FAM135B: variants seen among roughly 807,000 people sequenced by gnomAD.
FAM135B encodes family with sequence similarity 135 member B.
FAM135B carries 43 observed loss-of-function variants against 127.7 expected under a neutral mutation model. That is an observed-to-expected ratio of 0.34 (90% CI 0.26 to 0.43). The LOEUF (loss-of-function observed/expected upper bound fraction) is 0.43. Ranked by LOEUF, FAM135B falls within the 20% of genes least tolerant of loss-of-function variation. The pLI is 1.00. For synonymous variants in FAM135B, 670 were observed against 665.1 expected, an observed-to-expected ratio of 1.01 and a Z score of -0.11; for missense variants, 1,558 against 1,725.6, an observed-to-expected ratio of 0.90 and a Z score of 1.72.
chr8:138,287,070 ATGTC>A (rs1824744014), intron 3 of FAM135B, among the ~76,000 whole-genome samples: 1 of 152,222 alleles, frequency 6.6e-6, no homozygotes, highest in African/African-American at 2.4e-5. Context: ...AAAGTGTAAA[ATGTC>A]TGTATGACAA....
chr8:138,494,649 A>G (rs1392809106), intron 1 of FAM135B, among the ~76,000 whole-genome samples: 3 of 152,218 alleles, frequency 2.0e-5, no homozygotes, highest in Non-Finnish European at 4.4e-5. Context: ...CAGAAATTAT[A>G]ATTCCTTCAG....
chr8:138,197,107 GTGTGTGTGTGTATA>G (rs1446378742), intron 8 of FAM135B, among the ~76,000 whole-genome samples: 3,484 of 47,892 alleles, frequency 0.073, 89 homozygotes, highest in East Asian at 0.34. Flanking sequence ...GTGTGTGTGT[GTGTGTGTGTGTATA>G]TATATAGTTT....
chr8:138,209,515 C>T (rs544431563), intron 7 of FAM135B, among the ~76,000 whole-genome samples: 2 of 152,150 alleles, frequency 1.3e-5, no homozygotes, highest in Non-Finnish European at 2.9e-5. Flanking sequence ...ATGTGGGCTG[C>T]CAGAGTCCAG....
At chr8:138,495,321 A>G (rs1815350732) in intron 1 of FAM135B, among the ~76,000 whole-genome samples, 1 of 152,202 alleles carries the variant, frequency 6.6e-6, no homozygotes, top group Non-Finnish European at 1.5e-5. Flanking sequence ...GCATGAGGAA[A>G]TCAGAGTTCA....
At chr8:138,365,833 T>C (rs1245917122) in intron 2 of FAM135B, among the ~76,000 whole-genome samples, 6 of 152,230 alleles carry the variant, frequency 3.9e-5, no homozygotes, top group Non-Finnish European at 8.8e-5. Flanking sequence ...AATGTCAGTC[T>C]GTGTTACAAA....
intron 7 of FAM135B, among the ~76,000 whole-genome samples, chr8:138,202,912 A>G (rs11985359): frequency 0.74 from 112,692 of 152,010 alleles, 42,121 homozygotes; most frequent in East Asian, 0.82. Flanking sequence ...AGAATCTGGA[A>G]TCAAATAGGC....
intron 1 of FAM135B, among the ~76,000 whole-genome samples, chr8:138,445,108 A>C (rs1195309302): frequency 6.6e-6 from 1 of 152,236 alleles, no homozygotes; most frequent in Non-Finnish European, 1.5e-5. Context: ...ACCAGGAAGA[A>C]GTTGAATCTC....
chr8:138,186,457 G>C (rs141179249), intron 9 of FAM135B, among the ~76,000 whole-genome samples: 2 of 152,118 alleles, frequency 1.3e-5, no homozygotes, highest in South Asian at 2.1e-4. Context: ...TGGCAGGAGT[G>C]GGGGAGACCA....
At chr8:138,367,018 T>C (rs914147521) in intron 2 of FAM135B, among the ~76,000 whole-genome samples, 8 of 152,034 alleles carry the variant, frequency 5.3e-5, no homozygotes, top group African/African-American at 9.7e-5. Context: ...AGTGAGATCA[T>C]CCAAGCCACA....
chr8:138,415,398 T>C (rs1834085925), intron 1 of FAM135B, among the ~76,000 whole-genome samples: 1 of 152,168 alleles, frequency 6.6e-6, no homozygotes, highest in African/African-American at 2.4e-5. Flanking sequence ...CACAACACTC[T>C]CATAGCTCCC....
chr8:138,332,542 G>T (rs545375650), intron 2 of FAM135B, among the ~76,000 whole-genome samples: 1 of 152,048 alleles, frequency 6.6e-6, no homozygotes, highest in Admixed American at 6.6e-5. Flanking sequence ...AGACCTGGTT[G>T]CAAAGATCAC....
chr8:138,495,572 A>T (rs1055311941), intron 1 of FAM135B, among the ~76,000 whole-genome samples: 4 of 152,192 alleles, frequency 2.6e-5, no homozygotes, highest in Admixed American at 6.5e-5. Context: ...GCCCTTTCAA[A>T]GTCAATGGCT....
rs1246161094 is a variant in FAM135B, at chr8:138,354,300, C to G, written c.77+13607G>C. On this transcript the variant is annotated intron_variant, in intron 2 of 19. Transcript: ENST00000395297. ...CTGGAATCTGGCTAGCCCCATCCCT[C>G]CTACTCTATCAAAAACAAAACAAAA... Among the ~76,000 whole-genome samples, 5 of 152,192 alleles carry G rather than the reference C, an allele frequency of 3.3e-5. No homozygotes were observed. In the South Asian group the frequency reaches 8.3e-4, roughly 25 times the overall value.
At chr8:138,179,639 A>G (rs1005570935) in intron 9 of FAM135B, among the ~76,000 whole-genome samples, 1 of 152,192 alleles carries the variant, frequency 6.6e-6, no homozygotes, top group African/African-American at 2.4e-5. Flanking sequence ...CAATTCATGC[A>G]CGATAGGTGC....
rs529060296 is a variant in FAM135B, at chr8:138,140,372, G to C, written c.3790+826C>G. ...GCCACATAATGGGTTTGAACAATCA[G>C]GGACTACTGAGGTAGTTGTTAAGAA... On this transcript the variant is annotated intron_variant, in intron 17 of 19. Transcript: ENST00000395297. Among the ~76,000 whole-genome samples, 48 of 152,306 alleles carry C rather than the reference G, an allele frequency of 3.2e-4. 1 individual carries two copies. The South Asian group carries it at 9.1e-3, about 29-fold the overall frequency.
rs538422547 is a variant in FAM135B at position 138,250,949 on chromosome 8, C to T, written c.434G>A (p.Arg145Gln). The T allele has an allele frequency of 1.9e-5, 30 of 1,613,760 alleles. 1 individual carries two copies. The highest frequency in any genetic ancestry group is 5.0e-5 in the Admixed American group (3 of 59,974). ...CGGGACCTGGTGGTGCAGACCATTC[C>T]GGGGGTGGAAGTGCAGGCCAAGCGT... ...SRTLGLHFHPRNGLHHQVPVM... is the reference protein window; with the variant it reads ...SRTLGLHFHPQNGLHHQVPVM... The change falls in exon 6 of 20, where the codon CGG (arginine) becomes CAG (glutamine). Residue 145 changes from arginine (R) to glutamine (Q), a missense_variant. Transcript: ENST00000395297.
intron 7 of FAM135B, among the ~76,000 whole-genome samples, chr8:138,224,982 G>C (rs754566829): frequency 2.2e-4 from 34 of 152,296 alleles, no homozygotes; most frequent in Non-Finnish European, 4.3e-4. Context: ...GGATAACAAA[G>C]TTTCAGTTAG....
chr8:138,466,064 C>T (rs1175629832), intron 1 of FAM135B, among the ~76,000 whole-genome samples: 1 of 152,238 alleles, frequency 6.6e-6, no homozygotes, highest in Non-Finnish European at 1.5e-5. Context: ...GCATGAGCCA[C>T]TGCGCCTGGT....
intron 1 of FAM135B, among the ~76,000 whole-genome samples, chr8:138,426,252 A>G (rs1834885018): frequency 6.6e-6 from 1 of 151,142 alleles, no homozygotes; most frequent in Non-Finnish European, 1.5e-5. Context: ...TCTGGTAAGC[A>G]CAAAATAACA....
Sources: allele counts gnomAD v4.1 joint callset (sites outside exome capture counted in the v4.1 genomes callset), GRCh38; gene constraint gnomAD v4.1.1; transcripts MANE v1.5; gene names NCBI Gene and HGNC (gene_info 2026-07-23, HGNC 2026-07-21).